Variants in HIRA observed in about 807,000 individuals in gnomAD.
HIRA encodes the protein histone cell cycle regulator, also known as protein HIRA.
HIRA carries 13 observed loss-of-function variants against 126.6 expected under a neutral mutation model. The ratio of observed to expected loss-of-function variants is 0.10; its 90% confidence interval spans 0.07 to 0.16. The LOEUF (loss-of-function observed/expected upper bound fraction) is 0.16, where lower values mean the gene tolerates loss of function less well. HIRA is among the 10% of genes least tolerant of loss of function. HIRA has a pLI of 1.00. For missense variants in HIRA, 834 were observed against 1,314.4 expected (o/e 0.63, Z 5.65); for synonymous variants, 511 against 520.0 (o/e 0.98, Z 0.24).
chr22:19,343,507 A>G lies in HIRA; in HGVS notation c.2937+7851T>C, dbSNP rs556157780. 4.6e-5 allele frequency among the ~76,000 whole-genome samples: 7 copies of G among 152,264 alleles called. No individual in the cohort carries two copies. The East Asian group carries it at 9.7e-4, about 21-fold the overall frequency. Reference sequence around the variant, plus strand: ...GAGCCTGGGAGGTGGAGGTTGAAGTAAGTCGAGATTACACCAATGTACTCC... The same window carrying G: ...GAGCCTGGGAGGTGGAGGTTGAAGTGAGTCGAGATTACACCAATGTACTCC... On this transcript the variant is annotated intron_variant, in intron 24 of 24. Transcript: ENST00000263208.
At chr22:19,356,641 G>A (rs1280197352) in intron 19 of HIRA, among the ~76,000 whole-genome samples, 1 of 152,208 alleles carries the variant, frequency 6.6e-6, no homozygotes, top group Non-Finnish European at 1.5e-5. Context: ...GCAACTGGTC[G>A]CATGGGCTGC....
chr22:19,414,523 G>A (rs2089379530), intron 1 of HIRA, among the ~76,000 whole-genome samples: 1 of 152,192 alleles, frequency 6.6e-6, no homozygotes, highest in Admixed American at 6.5e-5. Context: ...TCATTGGGTA[G>A]AGCTGACTGG....
At chr22:19,355,611 G>A in intron 21 of HIRA, 149 bp downstream of exon 21, 1 of 623,454 alleles carries the variant, frequency 1.6e-6, no homozygotes, top group South Asian at 1.9e-5. Context: ...AGGGGAGCAT[G>A]CACAGATAGT....
At chr22:19,392,299 G>A in intron 8 of HIRA, 85 bp from the exon 9 acceptor site, 1 of 733,452 alleles carries the variant, frequency 1.4e-6, no homozygotes, top group Non-Finnish European at 2.3e-6. Context: ...ACTGAAGGGA[G>A]TCTCCCACAG....
At chr22:19,375,372 A>C (rs2089007978) in intron 15 of HIRA, among the ~76,000 whole-genome samples, 1 of 152,104 alleles carries the variant, frequency 6.6e-6, no homozygotes, top group South Asian at 2.1e-4. Context: ...TGCACTGACC[A>C]ATCCTTGTGC....
chr22:19,386,011 G>A (rs148476306), intron 11 of HIRA, among the ~76,000 whole-genome samples: 35 of 152,328 alleles, frequency 2.3e-4, no homozygotes, highest in Middle Eastern at 3.4e-3. Flanking sequence ...CTGCCCCACA[G>A]TCTGGTGGAG....
intron 20 of HIRA, 87 bp from the exon 21 acceptor site, chr22:19,355,952 C>A (rs1190915662): frequency 3.2e-6 from 3 of 935,252 alleles, no homozygotes; most frequent in Admixed American, 4.1e-5. Flanking sequence ...GTACTCTAGG[C>A]TCCCACAGTC....
At chr22:19,354,171 G>C in intron 21 of HIRA, 53 bp from the exon 22 acceptor site, 1 of 1,565,240 alleles carries the variant, frequency 6.4e-7, no homozygotes, top group Non-Finnish European at 8.7e-7. Flanking sequence ...GATCTGGTTG[G>C]CCTCTTTGCC....
chr22:19,389,883 C>T (rs543068391), intron 9 of HIRA, among the ~76,000 whole-genome samples: 3 of 150,292 alleles, frequency 2.0e-5, no homozygotes, highest in East Asian at 1.9e-4. Flanking sequence ...AAAATCACAA[C>T]GCACACAGTA....
chr22:19,334,184 C>T (rs1178734358), intron 24 of HIRA, among the ~76,000 whole-genome samples: 6 of 151,360 alleles, frequency 4.0e-5, no homozygotes, highest in Non-Finnish European at 8.9e-5. Context: ...ACCATGTTAG[C>T]AAGGATGGTC....
chr22:19,367,517 C>T (rs1336003962), intron 15 of HIRA, among the ~76,000 whole-genome samples: 1 of 152,098 alleles, frequency 6.6e-6, no homozygotes, highest in Non-Finnish European at 1.5e-5. Context: ...CAGGCACGCA[C>T]CACCACGCCC....
intron 24 of HIRA, among the ~76,000 whole-genome samples, chr22:19,345,860 T>G (rs1486463063): frequency 6.6e-6 from 1 of 152,132 alleles, no homozygotes; most frequent in Non-Finnish European, 1.5e-5. Flanking sequence ...TGCTTCTCAT[T>G]TTCCTCCCAT....
chr22:19,390,626 A>AAAAAAAAAAAAAAAAAAAAAAAAAC, intron 9 of HIRA, among the ~76,000 whole-genome samples: 1 of 149,174 alleles, frequency 6.7e-6, no homozygotes, highest in Admixed American at 6.7e-5. Context: ...AAAAAAAAAA[A>AAAAAAAAAAAAAAAAAAAAAAAAAC]AGAAGCTGAA....
At chr22:19,412,959 G>A (rs1378877912) in intron 1 of HIRA, among the ~76,000 whole-genome samples, 3 of 152,112 alleles carry the variant, frequency 2.0e-5, no homozygotes, top group Non-Finnish European at 2.9e-5. Context: ...ACTCAGCCTC[G>A]GGCTTCCTGC....
chr22:19,396,094 A>G (rs2089221283), intron 7 of HIRA, among the ~76,000 whole-genome samples: 1 of 143,222 alleles, frequency 7.0e-6, no homozygotes, highest in Non-Finnish European at 1.5e-5. Flanking sequence ...ATCCTCCCCA[A>G]CAAGCTGCTC....
rs778168123 is a variant in HIRA, at chr22:19,388,534, C to T, written c.957G>A (p.Pro319=). ...CAAACAGTTCATGGATGACCACCAG[C>T]GGCCGTTTCAGACATGTGAGCTGGA... The part of the protein sequence containing the change: ...LSVWLTCLKR[P]LVVIHELFDK... The change falls in exon 10 of 25, where the codon CCG becomes CCA. Residue 319 remains proline, a synonymous_variant. Coordinates refer to ENST00000263208, the MANE Select transcript of HIRA (RefSeq NM_003325.4). The T allele has an allele frequency of 1.4e-5, 22 of 1,613,496 alleles. No homozygotes were observed. The highest frequency in any genetic ancestry group is 1.6e-4 in the Middle Eastern group (1 of 6,080).
chr22:19,398,264 G>A lies in HIRA; in HGVS notation c.398-177C>T, dbSNP rs548877425. On this transcript the variant is annotated intron_variant, in intron 5 of 24. Transcript: ENST00000263208. ...GGTCATAAATTTAAAGCATCTAACC[G>A]ACCCCAGTGCCTCACTCCTTTTACA... 1.1e-4 allele frequency among the ~76,000 whole-genome samples: 16 copies of A among 152,246 alleles called. No homozygotes were observed. In the South Asian group the frequency reaches 3.3e-3, roughly 32 times the overall value.
chr22:19,415,869 T>C (rs2089392584), intron 1 of HIRA, among the ~76,000 whole-genome samples: 1 of 152,070 alleles, frequency 6.6e-6, no homozygotes. Flanking sequence ...TGGTACTTTC[T>C]GCAGAAATAA....
chr22:19,355,202 G>C (rs568359392), intron 21 of HIRA, among the ~76,000 whole-genome samples: 1 of 152,244 alleles, frequency 6.6e-6, no homozygotes, highest in East Asian at 1.9e-4. Flanking sequence ...CAGAAGAAAA[G>C]AACTTGGAGT....
Sources: allele counts gnomAD v4.1 joint callset (sites outside exome capture counted in the v4.1 genomes callset), GRCh38; gene constraint gnomAD v4.1.1; transcripts MANE v1.5; gene names NCBI Gene and HGNC (gene_info 2026-07-23, HGNC 2026-07-21).